The following NCAPH variants were observed in gnomAD, a reference collection of about 807,000 sequenced individuals.
NCAPH encodes condensin complex subunit 2.
A neutral mutation model predicts 85.5 loss-of-function variants in NCAPH; 38 were observed. That is an observed-to-expected ratio of 0.44 (90% CI 0.34 to 0.58). The LOEUF (loss-of-function observed/expected upper bound fraction) is 0.58, where lower values mean the gene tolerates loss of function less well. NCAPH is among the 20% of genes least tolerant of loss of function. NCAPH has a pLI of 0.01. For missense variants in NCAPH, 789 were observed against 916.6 expected (o/e 0.86, Z 1.80); for synonymous variants, 301 against 335.1 (o/e 0.90, Z 1.11).
At chr2:96,341,946 TG>T in intron 2 of NCAPH, 52 bp downstream of exon 2, 1 of 1,605,426 alleles carries the variant, frequency 6.2e-7, no homozygotes, top group South Asian at 1.1e-5. Context: ...TGATATGGGC[TG>T]CGTAGGTCCA....
intron 5 of NCAPH, among the ~76,000 whole-genome samples, 175 bp from the exon 6 acceptor site, chr2:96,343,930 G>A (rs1448594743): frequency 6.6e-6 from 1 of 152,102 alleles, no homozygotes; most frequent in Non-Finnish European, 1.5e-5. Flanking sequence ...TTGAACTCCT[G>A]AGCTCAAGTG....
At chr2:96,366,876 CAA>C (rs928006104) in intron 14 of NCAPH, among the ~76,000 whole-genome samples, 1 of 37,566 alleles carries the variant, frequency 2.7e-5, no homozygotes, top group Non-Finnish European at 5.4e-5. Flanking sequence ...GACTCCGTCT[CAA>C]AAAAAAAAAA....
chr2:96,370,091 C>T lies in NCAPH; in HGVS notation c.2166+591C>T, dbSNP rs114139928. On this transcript the variant is annotated intron_variant, in intron 17 of 17. Coordinates refer to ENST00000240423, the MANE Select transcript of NCAPH (RefSeq NM_015341.5). ...GGAGGGCACTCATTTTCTCAGGAGC[C>T]GAGTGGTACTACCCAGGGATACCAC... Among the ~76,000 whole-genome samples the T allele has an allele frequency of 8.2e-3, 1,254 of 152,250 alleles. 17 individuals are homozygous for T. The highest frequency in any genetic ancestry group is 0.029 in the African/African-American group (1,191 of 41,534).
intron 15 of NCAPH, among the ~76,000 whole-genome samples, chr2:96,367,822 G>A (rs2064720864): frequency 6.6e-6 from 1 of 152,220 alleles, no homozygotes; most frequent in African/African-American, 2.4e-5. Flanking sequence ...CAATCTTGAT[G>A]CTACTTTAAA....
intron 1 of NCAPH, among the ~76,000 whole-genome samples, chr2:96,338,727 A>G (rs936150203): frequency 1.3e-5 from 2 of 152,208 alleles, no homozygotes; most frequent in Non-Finnish European, 2.9e-5. Context: ...AAGGCGAGGA[A>G]CAGATCCTCC....
chr2:96,360,455 C>CT, intron 11 of NCAPH, 133 bp from the exon 12 acceptor site: 1 of 1,136,228 alleles, frequency 8.8e-7, no homozygotes, highest in Non-Finnish European at 1.3e-6. Context: ...AGCAAAATCA[C>CT]TTTTTTACAT....
chr2:96,344,052 A>T, intron 5 of NCAPH, 53 bp from the exon 6 acceptor site: 1 of 1,571,878 alleles, frequency 6.4e-7, no homozygotes, highest in Non-Finnish European at 8.6e-7. Flanking sequence ...TAGTAAGTTC[A>T]TCACATGCTT....
At chr2:96,342,241 T>G in intron 3 of NCAPH, 101 bp downstream of exon 3, 1 of 1,116,500 alleles carries the variant, frequency 9.0e-7, no homozygotes, top group Non-Finnish European at 1.3e-6. Flanking sequence ...ATGATGATAA[T>G]TCTCTGGTGA....
Position 96,342,766 on chromosome 2 carries a change from C to T in NCAPH, c.374C>T (p.Thr125Ile), listed in dbSNP as rs200091857. The T allele has an allele frequency of 6.5e-4, 1,041 of 1,611,928 alleles. 3 individuals carry two copies. The highest frequency in any genetic ancestry group is 8.1e-4 in the Non-Finnish European group (950 of 1,178,878). Residue 125 changes from threonine (T) to isoleucine (I), a missense_variant, in exon 4 of 18, where the codon ACC (threonine) becomes ATC (isoleucine). Physicochemically the swap from Thr to Ile is moderately conservative, Grantham distance 89. Transcript: ENST00000240423. ...ATTTTCTGTTTTCAGAAAATCACTA[C>T]CAAGAATGCTTTTGGTTTGCACTTG... ...IKLSTENKIT[T>I]KNAFGLHLID...
At chr2:96,356,257 C>T (rs2064523379) in intron 9 of NCAPH, among the ~76,000 whole-genome samples, 2 of 152,174 alleles carry the variant, frequency 1.3e-5, no homozygotes, top group Admixed American at 6.5e-5. Context: ...CTCCCCTTGC[C>T]ACATCGCTGG....
At chr2:96,343,426 A>G (rs1277668825) in intron 5 of NCAPH, 122 bp downstream of exon 5, 1 of 1,236,204 alleles carries the variant, frequency 8.1e-7, no homozygotes, top group Non-Finnish European at 1.1e-6. Flanking sequence ...AAGACAGGGC[A>G]TTTTTAGAAC....
chr2:96,348,480 C>T (rs947583632), intron 6 of NCAPH, among the ~76,000 whole-genome samples: 4 of 151,920 alleles, frequency 2.6e-5, no homozygotes, highest in African/African-American at 9.7e-5. Context: ...GTGTGAGTCA[C>T]CGCACCTGGC....
At chr2:96,339,533 A>G (rs1423674818) in intron 1 of NCAPH, among the ~76,000 whole-genome samples, 5 of 151,118 alleles carry the variant, frequency 3.3e-5, no homozygotes, top group East Asian at 3.9e-4. Flanking sequence ...CGGAGTTGCA[A>G]TGAGCTGAGA....
At chr2:96,359,424 AACTGG>A (rs988225780) in intron 10 of NCAPH, 2 of 530,580 alleles carry the variant, frequency 3.8e-6, no homozygotes, top group African/African-American at 3.8e-5. Flanking sequence ...GAGTCAGGAG[AACTGG>A]ACTCCCAGCC....
intron 5 of NCAPH, 48 bp from the exon 6 acceptor site, chr2:96,344,057 A>G: frequency 1.9e-6 from 3 of 1,576,222 alleles, no homozygotes; most frequent in Middle Eastern, 1.7e-4. Flanking sequence ...AGTTCATCAC[A>G]TGCTTCAAAG....
intron 15 of NCAPH, among the ~76,000 whole-genome samples, 162 bp downstream of exon 15, chr2:96,367,535 C>T (rs2064717373): frequency 6.6e-6 from 1 of 152,222 alleles, no homozygotes. Context: ...GTAATCCCAG[C>T]ATTTTGGGAG....
At chr2:96,372,910 C>T (rs966869630) in intron 17 of NCAPH, among the ~76,000 whole-genome samples, 6 of 151,982 alleles carry the variant, frequency 3.9e-5, no homozygotes, top group Non-Finnish European at 5.9e-5. Context: ...AGGCATCCAC[C>T]GGGGGCCTTG....
intron 17 of NCAPH, among the ~76,000 whole-genome samples, chr2:96,370,143 C>T (rs1177807526): frequency 6.6e-6 from 1 of 152,164 alleles, no homozygotes; most frequent in Admixed American, 6.5e-5. Flanking sequence ...AGCAAGCCCA[C>T]ACATTTGAGC....
At chr2:96,351,356 G>A (rs892881194) in intron 6 of NCAPH, among the ~76,000 whole-genome samples, 1 of 152,118 alleles carries the variant, frequency 6.6e-6, no homozygotes, top group African/African-American at 2.4e-5. Context: ...TTTGAACCGG[G>A]ATTTTATCTG....
Sources: gnomAD v4.1 joint callset for allele counts (sites outside exome capture counted in the v4.1 genomes callset) on GRCh38, gnomAD v4.1.1 for gene constraint, MANE v1.5 for transcripts, NCBI Gene and HGNC (gene_info 2026-07-23, HGNC 2026-07-21) for gene names.